PCDHGA8: variants seen among roughly 807,000 people sequenced by gnomAD.
PCDHGA8 encodes protocadherin gamma subfamily A, 8.
Under a neutral mutation model 59.2 loss-of-function variants are expected in PCDHGA8, and 45 were observed. That is an observed-to-expected ratio of 0.76 (90% CI 0.60 to 0.98). PCDHGA8 has a LOEUF of 0.98. PCDHGA8 is among the 50% of genes least tolerant of loss of function. The probability of loss-of-function intolerance (pLI) is 0.00; values close to 1 mark genes in which losing one functional copy is unlikely to be tolerated. For missense variants in PCDHGA8, 1,257 were observed against 1,196.2 expected (o/e 1.05, Z -0.75); for synonymous variants, 531 against 519.0 (o/e 1.02, Z -0.32).
rs17097211 is a variant in PCDHGA8 at position 141,423,498 on chromosome 5, G to A, written c.2424+28261G>A. 9.4e-4 allele frequency: 1,510 copies of A among 1,613,948 alleles called. 9 individuals are homozygous for A. In the African/African-American group the frequency reaches 0.016, roughly 17 times the overall value. ...CTTTCCTGCAAACCTATTCCCACGA[G>A]GTCTCTCTCATTGCGGACTCGCAGA... On this transcript the variant is annotated intron_variant, in intron 1 of 3. Transcript: ENST00000398604.
rs2092984834 is a variant in PCDHGA8 at position 141,394,361 on chromosome 5, G to T, written c.1548G>T (p.Ala516=). The change falls in exon 1 of 4, where the codon GCG becomes GCT. Residue 516 remains alanine, a synonymous_variant. Coordinates refer to ENST00000398604, the MANE Select transcript of PCDHGA8 (RefSeq NM_032088.2). The stretch of plus-strand genomic sequence containing the variant: ...ACTCTGACACCGGTGTCCTGTATGC[G>T]CTGCAATCTTTCGACTATGAGCAGA... The part of the protein sequence containing the change: ...SINSDTGVLY[A]LQSFDYEQIR... 2 of 1,614,190 alleles carry T rather than the reference G, an allele frequency of 1.2e-6. No individual in the cohort carries two copies. The highest frequency in any genetic ancestry group is 1.7e-6 in the Non-Finnish European group (2 of 1,180,028).
chr5:141,393,899 C>T lies in PCDHGA8; in HGVS notation c.1086C>T (p.Pro362=). Residue 362 remains proline (P), a synonymous_variant, in exon 1 of 4, where the codon CCC becomes CCT. Coordinates refer to ENST00000398604, the MANE Select transcript of PCDHGA8 (RefSeq NM_032088.2). ...GCCCAGTGTTAGAAAATTCTCTTCC[C>T]GGGACAGTAATTGCCTTCTTGAGTG... ...LFSPVLENSL[P]GTVIAFLSVH... 1 of 1,613,932 alleles carries T rather than the reference C, an allele frequency of 6.2e-7. No individual in the cohort carries two copies. Among genetic ancestry groups the T allele is most frequent in the Non-Finnish European group, 8.5e-7 (1 of 1,179,884 alleles).
At chr5:141,404,391 A>C (rs773558298) in intron 1 of PCDHGA8, 1 of 1,613,924 alleles carries the variant, frequency 6.2e-7, no homozygotes, top group South Asian at 1.1e-5. Context: ...TATGACCCTG[A>C]TAGCAATGAG....
Position 141,394,336 on chromosome 5 carries a change from A to G in PCDHGA8, c.1523A>G (p.Asn508Ser), listed in dbSNP as rs1205005872. Residue 508 changes from asparagine to serine, a missense_variant, in exon 1 of 4, where the codon AAC (asparagine) becomes AGC (serine). Physicochemically the swap from Asn to Ser is conservative, Grantham distance 46. Transcript: ENST00000398604. ...GAPLSSYISI[N>S]SDTGVLYALQ... Reference sequence around the variant, plus strand: ...CCCCTGTCCTCGTATATCTCCATCAACTCTGACACCGGTGTCCTGTATGCG... The same window carrying G: ...CCCCTGTCCTCGTATATCTCCATCAGCTCTGACACCGGTGTCCTGTATGCG... 1.9e-6 allele frequency: 3 copies of G among 1,613,704 alleles called. No homozygotes were observed. The highest frequency in any genetic ancestry group is 1.7e-6 in the Non-Finnish European group (2 of 1,179,908).
At chr5:141,498,321 G>A (rs1477684617) in intron 2 of PCDHGA8, among the ~76,000 whole-genome samples, 2 of 151,722 alleles carry the variant, frequency 1.3e-5, no homozygotes, top group Non-Finnish European at 2.9e-5. Flanking sequence ...CTACACAGAA[G>A]GAAGAGCATT....
intron 1 of PCDHGA8, chr5:141,428,860 CT>C (rs34152666): frequency 0.3 from 42,955 of 145,250 alleles, 7,185 homozygotes; most frequent in African/African-American, 0.5. Flanking sequence ...TTACGGGAGA[CT>C]TTTTTTTTTT....
chr5:141,433,883 G>A (rs1051019240), intron 1 of PCDHGA8, among the ~76,000 whole-genome samples: 1 of 149,932 alleles, frequency 6.7e-6, no homozygotes, highest in Non-Finnish European at 1.5e-5. Flanking sequence ...ATCCATTGAT[G>A]ACACTTGCTT....
chr5:141,496,126 C>T (rs934132550), intron 2 of PCDHGA8, among the ~76,000 whole-genome samples: 2 of 152,062 alleles, frequency 1.3e-5, no homozygotes, highest in African/African-American at 4.8e-5. Context: ...CCCTGCCCCT[C>T]ACACACTGAG....
In PCDHGA8 at chr5:141,476,686, C is replaced by T. The variant is rs138480390; in HGVS notation, c.2425-18121C>T. On this transcript the variant is annotated intron_variant, in intron 1 of 3. Coordinates refer to ENST00000398604, the MANE Select transcript of PCDHGA8 (RefSeq NM_032088.2). The surrounding 1 kb of genome is among the most constrained non-coding windows in gnomAD (Gnocchi z 7.6). ...TTCGCGTGCAGACGCGGGAGGACAGCACCAAGTACGCGGAGCTGGTGTTGG... is the reference window on the plus strand; with the variant it reads ...TTCGCGTGCAGACGCGGGAGGACAGTACCAAGTACGCGGAGCTGGTGTTGG... 6.2e-7 allele frequency: 1 copy of T among 1,614,126 alleles called. No homozygotes were observed. The highest frequency in any genetic ancestry group is 1.3e-5 in the African/African-American group (1 of 74,952).
chr5:141,414,159 A>G (rs2095715416), intron 1 of PCDHGA8: 1 of 1,602,874 alleles, frequency 6.2e-7, no homozygotes. Context: ...CAGAAGATGG[A>G]GGAGCATATC....
intron 1 of PCDHGA8, chr5:141,410,904 A>G (rs2095446600): frequency 3.8e-6 from 1 of 262,528 alleles, no homozygotes; most frequent in African/African-American, 3.2e-5. Flanking sequence ...CCTAGGCTGG[A>G]GTGCAGTGGC....
chr5:141,402,233 AT>A (rs1490030425), intron 1 of PCDHGA8, among the ~76,000 whole-genome samples: 1 of 152,070 alleles, frequency 6.6e-6, no homozygotes, highest in Non-Finnish European at 1.5e-5. Flanking sequence ...TTTTCCAGGA[AT>A]TTTATCATCA....
At chr5:141,417,937 C>T (rs571233315) in intron 1 of PCDHGA8, 2 of 1,612,530 alleles carry the variant, frequency 1.2e-6, no homozygotes, top group South Asian at 1.1e-5. Context: ...CTTTGTTCTA[C>T]CCCACGCTGT....
rs767197233 is a variant in PCDHGA8, at chr5:141,418,642, C to T, written c.2424+23405C>T. On this transcript the variant is annotated intron_variant, in intron 1 of 3. Coordinates refer to ENST00000398604, the MANE Select transcript of PCDHGA8 (RefSeq NM_032088.2). ...AAGACGTGCCTCCAGGCACCTCCAT[C>T]CTGAGAGTGAAGGCCACTGACCAGG... The T allele has an allele frequency of 2.3e-5, 37 of 1,614,028 alleles. No individual in the cohort carries two copies. In the South Asian group the frequency reaches 3.6e-4, roughly 16 times the overall value.
chr5:141,397,491 A>G (rs1462298713), intron 1 of PCDHGA8, among the ~76,000 whole-genome samples: 1 of 152,230 alleles, frequency 6.6e-6, no homozygotes, highest in Non-Finnish European at 1.5e-5. Flanking sequence ...AAATGAACAG[A>G]AGAATGATAA....
intron 1 of PCDHGA8, chr5:141,399,816 G>A: frequency 1.2e-6 from 2 of 1,613,196 alleles, no homozygotes; most frequent in Non-Finnish European, 1.7e-6. Context: ...ACCCCGCGCT[G>A]GGTCCCGACG....
intron 1 of PCDHGA8, chr5:141,478,608 G>C (rs751033009): frequency 7.7e-6 from 12 of 1,558,942 alleles, no homozygotes; most frequent in Middle Eastern, 1.7e-4. Context: ...ATCATATTGA[G>C]GAAGGAATGG....
At chr5:141,507,858 AC>A (rs2099864314) in intron 3 of PCDHGA8, among the ~76,000 whole-genome samples, 1 of 151,748 alleles carries the variant, frequency 6.6e-6, no homozygotes, top group African/African-American at 2.4e-5. Flanking sequence ...TCACTTTCAC[AC>A]CCGCTTCCTA....
intron 1 of PCDHGA8, among the ~76,000 whole-genome samples, chr5:141,436,374 G>C (rs2154557079): frequency 6.6e-6 from 1 of 152,248 alleles, no homozygotes; most frequent in East Asian, 1.9e-4. Context: ...TCCAGTTTAA[G>C]CTGAATAGGC....
Sources: allele counts gnomAD v4.1 joint callset (sites outside exome capture counted in the v4.1 genomes callset), GRCh38; gene constraint gnomAD v4.1.1; non-coding constraint Gnocchi (gnomAD v3.1); transcripts MANE v1.5; gene names NCBI Gene and HGNC (gene_info 2026-07-23, HGNC 2026-07-21).